The following ABCB5 variants were observed in gnomAD, a reference collection of about 807,000 sequenced individuals.
ABCB5 encodes the protein ATP binding cassette subfamily B member 5.
A neutral mutation model predicts 144.2 loss-of-function variants in ABCB5; 155 were observed. The observed-to-expected ratio is 1.08, with a 90% CI of 0.94 to 1.23. The LOEUF is 1.23. Among genes scored for constraint, ABCB5 ranks in the 50% most tolerant of loss-of-function variants. The pLI is 0.00. For synonymous variants in ABCB5, 610 were observed against 528.6 expected, an observed-to-expected ratio of 1.15 and a Z score of -2.11; for missense variants, 1,830 against 1,520.8, an observed-to-expected ratio of 1.20 and a Z score of -3.38.
intron 26 of ABCB5, among the ~76,000 whole-genome samples, chr7:20,749,528 T>C (rs1260385257): frequency 6.6e-6 from 1 of 151,148 alleles, no homozygotes; most frequent in Non-Finnish European, 1.5e-5. Context: ...CATGTCTTCA[T>C]TCCTCTATCC....
intron 20 of ABCB5, among the ~76,000 whole-genome samples, chr7:20,715,776 G>A (rs1781656243): frequency 6.7e-6 from 1 of 150,342 alleles, no homozygotes; most frequent in African/African-American, 2.5e-5. Context: ...CTGGAGTGCA[G>A]TGGCAGTATC....
intron 14 of ABCB5, among the ~76,000 whole-genome samples, chr7:20,680,564 C>A (rs1583420684): frequency 7.1e-6 from 1 of 141,466 alleles, no homozygotes; most frequent in African/African-American, 2.8e-5. Context: ...AGCCAGACTC[C>A]GTCTCAAAAA....
intron 14 of ABCB5, among the ~76,000 whole-genome samples, chr7:20,661,535 T>TC (rs201083029): frequency 1.1e-4 from 12 of 106,086 alleles, no homozygotes; most frequent in African/African-American, 3.1e-4. Context: ...CTTTCTTTTC[T>TC]TTTTCTTTTT....
chr7:20,730,498 G>C (rs1476295872), intron 23 of ABCB5, among the ~76,000 whole-genome samples: 2 of 152,188 alleles, frequency 1.3e-5, no homozygotes, highest in Non-Finnish European at 2.9e-5. Flanking sequence ...GACAGAGTGA[G>C]ACTCTGCCTC....
intron 14 of ABCB5, among the ~76,000 whole-genome samples, chr7:20,678,891 A>G (rs1439899894): frequency 6.6e-6 from 1 of 152,198 alleles, no homozygotes; most frequent in African/African-American, 2.4e-5. Context: ...ATGGTCTTCA[A>G]AATACGCTGC....
chr7:20,660,029 TGTTTAGAAG>T (rs774549277), intron 14 of ABCB5: 3 of 985,514 alleles, frequency 3.0e-6, no homozygotes, highest in Non-Finnish European at 3.6e-6. Flanking sequence ...GCTCTCTGAT[TGTTTAGAAG>T]GTTTCATGTT....
At chr7:20,636,782 C>CAAAAAAA (rs35824075) in intron 5 of ABCB5, among the ~76,000 whole-genome samples, 1 of 74,254 alleles carries the variant, frequency 1.3e-5, no homozygotes, top group Non-Finnish European at 2.9e-5. Flanking sequence ...AAGACTCCAT[C>CAAAAAAA]AAAAAAAAAA....
intron 16 of ABCB5, among the ~76,000 whole-genome samples, chr7:20,687,696 G>C (rs1324952844): frequency 6.6e-6 from 1 of 152,148 alleles, no homozygotes; most frequent in Admixed American, 6.5e-5. Context: ...GTAATCCAGT[G>C]AAAAATAAAC....
At chr7:20,691,909 C>CA (rs1201521347) in intron 16 of ABCB5, among the ~76,000 whole-genome samples, 1 of 150,228 alleles carries the variant, frequency 6.7e-6, no homozygotes, top group African/African-American at 2.4e-5. Flanking sequence ...ACCAGGCAAG[C>CA]AAAAAAGGAG....
intron 20 of ABCB5, among the ~76,000 whole-genome samples, chr7:20,721,763 T>G (rs1238253717): frequency 6.6e-6 from 1 of 152,216 alleles, no homozygotes; most frequent in African/African-American, 2.4e-5. Context: ...TAATGCAAAT[T>G]TTTTCCATTC....
intron 20 of ABCB5, among the ~76,000 whole-genome samples, chr7:20,718,423 T>C (rs2128048333): frequency 6.6e-6 from 1 of 152,334 alleles, no homozygotes; most frequent in East Asian, 1.9e-4. Context: ...CTTAAACACT[T>C]AACCAGGCTA....
At chr7:20,640,503 G>A (rs1784272903) in intron 5 of ABCB5, among the ~76,000 whole-genome samples, 2 of 152,106 alleles carry the variant, frequency 1.3e-5, no homozygotes, top group African/African-American at 4.8e-5. Flanking sequence ...TTGCACTAAG[G>A]AGCGCTAGCC....
At chr7:20,685,136 G>T (rs947424048) in intron 15 of ABCB5, among the ~76,000 whole-genome samples, 1 of 152,114 alleles carries the variant, frequency 6.6e-6, no homozygotes, top group African/African-American at 2.4e-5. Flanking sequence ...CAGGGGTGAC[G>T]ACTGCACCTG....
At chr7:20,690,595 G>GT (rs1786184846) in intron 16 of ABCB5, among the ~76,000 whole-genome samples, 1 of 152,182 alleles carries the variant, frequency 6.6e-6, no homozygotes, top group Non-Finnish European at 1.5e-5. Flanking sequence ...AGAACAGTGT[G>GT]TGGGGGCCAG....
chr7:20,699,927 C>T lies in ABCB5; in HGVS notation c.2257C>T (p.Gln753Ter). ...TATTTGCTTTGTCAGTTATTTCATG[C>T]AGGTAAGCTTTTAATAAACAAGCCT... is the stretch of plus-strand genomic sequence containing the variant. ...GVICFVSYFM[Q>*]GLFYGRAGEI... is the part of the protein sequence containing the mutation. The change falls in exon 18 of 28, where the codon CAG becomes TAG. Residue 753 changes from glutamine to a stop codon, truncating the protein, a stop_gained and splice_region_variant. Coordinates refer to ENST00000404938, the MANE Select transcript of ABCB5 (RefSeq NM_001163941.2). LOFTEE classifies it high-confidence loss of function. 6.2e-7 allele frequency: 1 copy of T among 1,610,014 alleles called. No individual in the cohort carries two copies. Among genetic ancestry groups the T allele is most frequent in the Non-Finnish European group, 8.5e-7 (1 of 1,177,450 alleles).
intron 4 of ABCB5, among the ~76,000 whole-genome samples, chr7:20,629,207 T>C (rs959487046): frequency 3.6e-5 from 5 of 137,984 alleles, no homozygotes; most frequent in East Asian, 4.2e-4. Flanking sequence ...TTTTAAAGAA[T>C]TGGCTGGCTC....
chr7:20,749,318 C>T (rs941864507), intron 26 of ABCB5, among the ~76,000 whole-genome samples: 3 of 149,970 alleles, frequency 2.0e-5, no homozygotes, highest in African/African-American at 7.4e-5. Flanking sequence ...GCCTTGACCT[C>T]CTGGGCTCAA....
At chr7:20,675,779 A>G (rs988099755) in intron 14 of ABCB5, among the ~76,000 whole-genome samples, 1 of 151,992 alleles carries the variant, frequency 6.6e-6, no homozygotes. Flanking sequence ...ATTAATATCT[A>G]AAATATATAA....
chr7:20,641,471 C>T (rs2128022358), intron 5 of ABCB5: 1 of 152,704 alleles, frequency 6.5e-6, no homozygotes, highest in Middle Eastern at 3.3e-3. Context: ...TTCCTTAAGC[C>T]TAGGAGTTTG....
Sources: allele counts gnomAD v4.1 joint callset (sites outside exome capture counted in the v4.1 genomes callset), GRCh38; gene constraint gnomAD v4.1.1; transcripts MANE v1.5; gene names NCBI Gene and HGNC (gene_info 2026-07-23, HGNC 2026-07-21).